TYW1B: variants seen among roughly 807,000 people sequenced by gnomAD.
TYW1B encodes the protein tRNA-yW synthesizing protein 1 homolog B.
TYW1B carries 73 observed loss-of-function variants against 86.9 expected under a neutral mutation model. The observed-to-expected ratio is 0.84, with a 90% CI of 0.70 to 1.02. The LOEUF is 1.02. Among genes scored for constraint, TYW1B ranks in the 50% least tolerant of loss-of-function variants. TYW1B has a pLI of 0.00. For missense variants in TYW1B, 637 were observed against 827.4 expected (o/e 0.77, Z 2.82); for synonymous variants, 248 against 292.8 (o/e 0.85, Z 1.56).
At chr7:72,597,132 C>T (rs375995777) in intron 13 of TYW1B, among the ~76,000 whole-genome samples, 4,578 of 113,432 alleles carry the variant, frequency 0.04, no homozygotes, top group African/African-American at 0.088. Flanking sequence ...CAGACCACTA[C>T]ATATGAATAA....
intron 7 of TYW1B, among the ~76,000 whole-genome samples, chr7:72,751,174 A>C (rs1787494242): frequency 6.6e-6 from 1 of 151,932 alleles, no homozygotes; most frequent in Admixed American, 6.6e-5. Flanking sequence ...AGTAGCTGGG[A>C]TCACAGGTGT....
chr7:72,744,373 A>AT (rs1554463054), intron 8 of TYW1B, 111 bp downstream of exon 8: 1 of 1,201,654 alleles, frequency 8.3e-7, no homozygotes, highest in African/African-American at 1.5e-5. Context: ...AGTGAAAAAG[A>AT]TTAATCACCA....
chr7:72,639,478 T>C (rs1812751236), intron 11 of TYW1B, among the ~76,000 whole-genome samples: 1 of 152,114 alleles, frequency 6.6e-6, no homozygotes. Flanking sequence ...GTTTGTTTTT[T>C]AAAAAGTCCT....
chr7:72,747,625 GT>G (rs1363294854), intron 7 of TYW1B, among the ~76,000 whole-genome samples: 1 of 152,142 alleles, frequency 6.6e-6, no homozygotes, highest in Non-Finnish European at 1.5e-5. Flanking sequence ...ATTCCTCCCA[GT>G]TCTTTCTTCT....
intron 11 of TYW1B, among the ~76,000 whole-genome samples, chr7:72,663,135 G>A (rs1813374626): frequency 1.4e-5 from 2 of 142,238 alleles, no homozygotes; most frequent in East Asian, 2.2e-4. Flanking sequence ...TAAGGAGGAT[G>A]AAATCTACTT....
In TYW1B at chr7:72,574,783, T is replaced by A. The variant is rs10252696; in HGVS notation, c.*715A>T. ...GTCCAAAGTGTGTTTGTGAGACTAA[T>A]GACTCCATGCCCTCACATGGCCACT... On this transcript the variant is annotated 3_prime_UTR_variant, in exon 14 of 14. Transcript: ENST00000620995. The A allele has an allele frequency of 3.1e-4, 305 of 985,420 alleles. 1 individual carries two copies. The African/African-American group carries it at 4.8e-3, about 15-fold the overall frequency. The allele number at this position is 985,420 out of a possible 1,614,324, so 61.0% of individuals were successfully genotyped here. A position where few individuals can be genotyped will look rare whatever the true frequency, so the allele number is the denominator to read the frequency against.
chr7:72,759,870 G>T (rs1321169785), intron 7 of TYW1B, among the ~76,000 whole-genome samples: 1 of 152,142 alleles, frequency 6.6e-6, no homozygotes, highest in Non-Finnish European at 1.5e-5. Flanking sequence ...TGTGTATGGT[G>T]ATGAAACACT....
At chr7:72,639,675 C>T (rs1812757067) in intron 11 of TYW1B, among the ~76,000 whole-genome samples, 1 of 151,996 alleles carries the variant, frequency 6.6e-6, no homozygotes, top group Non-Finnish European at 1.5e-5. Context: ...ACCAGCCTGG[C>T]CAACATGGTG....
chr7:72,715,315 C>T (rs1394367370), intron 9 of TYW1B, among the ~76,000 whole-genome samples: 1 of 152,142 alleles, frequency 6.6e-6, no homozygotes, highest in East Asian at 1.9e-4. Flanking sequence ...AATGTCCAGG[C>T]CATATCCCAA....
At chr7:72,660,215 A>C (rs1298746985) in intron 11 of TYW1B, among the ~76,000 whole-genome samples, 2 of 152,098 alleles carry the variant, frequency 1.3e-5, no homozygotes, top group Non-Finnish European at 2.9e-5. Flanking sequence ...CTAAAATTAA[A>C]TTTTAAAAAT....
intron 11 of TYW1B, among the ~76,000 whole-genome samples, chr7:72,689,076 T>G (rs1814078079): frequency 1.3e-5 from 2 of 152,130 alleles, no homozygotes; most frequent in Admixed American, 1.3e-4. Flanking sequence ...ACGGTTTACA[T>G]GAAAGTTAAA....
rs1209271299 is a variant in TYW1B at position 72,652,406 on chromosome 7, A to T, written c.1507-23409T>A. ...AAAAAAAAAAAAAAAAAAAAAAAAA[A>T]TTTTTGTGACATTGTTACAATGGAA... On this transcript the variant is annotated intron_variant, in intron 11 of 13. Coordinates refer to ENST00000620995, the MANE Select transcript of TYW1B (RefSeq NM_001145440.3). Among the ~76,000 whole-genome samples, 538 of 149,126 alleles carry T rather than the reference A, an allele frequency of 3.6e-3. 4 individuals carry two copies. The highest frequency in any genetic ancestry group is 0.012 in the African/African-American group (502 of 40,304).
intron 11 of TYW1B, among the ~76,000 whole-genome samples, chr7:72,674,312 A>G (rs1813684360): frequency 6.6e-6 from 1 of 152,104 alleles, no homozygotes; most frequent in African/African-American, 2.4e-5. Context: ...ATGGTGTGAC[A>G]TTGTGGGCCT....
At chr7:72,728,389 C>A (rs1419414375) in intron 9 of TYW1B, among the ~76,000 whole-genome samples, 1 of 151,944 alleles carries the variant, frequency 6.6e-6, no homozygotes, top group East Asian at 1.9e-4. Flanking sequence ...TCACTGCAAC[C>A]TCTGCCTCCC....
rs374751967 is a variant in TYW1B, at chr7:72,826,868, A to T, written c.122T>A (p.Val41Asp). Residue 41 changes from valine (V) to aspartate (D), a missense_variant, in exon 2 of 14, where the codon GTC becomes GAC. Coordinates refer to ENST00000620995, the MANE Select transcript of TYW1B (RefSeq NM_001145440.3). The stretch of plus-strand genomic sequence containing the variant: ...AACTCCACTTACCTGCATCTCGATG[A>T]CAATCTGGACACAAATCCAAAGGCT... The part of the protein sequence containing the change: ...SISLWICVQI[V>D]IEMQGFATVL... The T allele has an allele frequency of 2.5e-6, 4 of 1,612,186 alleles. No individual in the cohort carries two copies. In the African/African-American group the frequency reaches 5.3e-5, roughly 22 times the overall value.
chr7:72,731,421 GAGTA>G (rs1787108024), intron 8 of TYW1B, among the ~76,000 whole-genome samples: 1 of 86,084 alleles, frequency 1.2e-5, no homozygotes, highest in African/African-American at 4.2e-5. Context: ...AAAAACAAGA[GAGTA>G]AGAAAGCAAA....
At chr7:72,657,721 T>TA (rs1212045952) in intron 11 of TYW1B, among the ~76,000 whole-genome samples, 3 of 152,192 alleles carry the variant, frequency 2.0e-5, no homozygotes, top group African/African-American at 4.8e-5. Context: ...TTATCAAAAA[T>TA]ACTACATCCA....
intron 13 of TYW1B, among the ~76,000 whole-genome samples, chr7:72,589,753 G>A (rs1811353553): frequency 6.6e-6 from 1 of 152,210 alleles, no homozygotes; most frequent in Admixed American, 6.5e-5. Flanking sequence ...GTGTACACCT[G>A]TAATCTCGGC....
chr7:72,774,139 A>T (rs1465460683), intron 7 of TYW1B, among the ~76,000 whole-genome samples: 3 of 151,730 alleles, frequency 2.0e-5, no homozygotes, highest in African/African-American at 7.3e-5. Context: ...GGACTGAGGA[A>T]GGGAAGGACT....
Sources: gnomAD v4.1 joint callset for allele counts (sites outside exome capture counted in the v4.1 genomes callset) on GRCh38, gnomAD v4.1.1 for gene constraint, MANE v1.5 for transcripts, NCBI Gene and HGNC (gene_info 2026-07-23, HGNC 2026-07-21) for gene names.